The following OPCML variants were observed in gnomAD, a reference collection of about 807,000 sequenced individuals.
OPCML encodes opioid-binding protein/cell adhesion molecule.
In OPCML, 13 loss-of-function variants were observed where a neutral mutation model predicts 37.8. That is an observed-to-expected ratio of 0.34 (90% CI 0.22 to 0.55). The LOEUF (loss-of-function observed/expected upper bound fraction) is 0.55. Among genes scored for constraint, OPCML ranks in the 20% least tolerant of loss-of-function variants. The pLI is 0.91. For missense variants in OPCML, 341 were observed against 435.6 expected (o/e 0.78, Z 1.93); for synonymous variants, 176 against 168.8 (o/e 1.04, Z -0.33).
chr11:132,522,155 A>G (rs1386749983), intron 4 of OPCML, among the ~76,000 whole-genome samples: 2 of 152,224 alleles, frequency 1.3e-5, no homozygotes, highest in Non-Finnish European at 2.9e-5. Flanking sequence ...CAAATGTAAC[A>G]ATAGTTCATT....
intron 1 of OPCML, chr11:133,300,164 A>G (rs1329314699): frequency 2.0e-5 from 3 of 152,194 alleles, no homozygotes; most frequent in Non-Finnish European, 4.4e-5. Flanking sequence ...ATCAAAGGGG[A>G]AAAGAAATGA....
At chr11:132,460,092 A>G (rs2096096009) in intron 4 of OPCML, among the ~76,000 whole-genome samples, 1 of 152,208 alleles carries the variant, frequency 6.6e-6, no homozygotes, top group Admixed American at 6.5e-5. Flanking sequence ...AAAACATTGT[A>G]CTTTGTGCTT....
chr11:132,869,411 G>A (rs576379784), intron 2 of OPCML, among the ~76,000 whole-genome samples: 2 of 152,274 alleles, frequency 1.3e-5, no homozygotes, highest in South Asian at 4.1e-4. Flanking sequence ...ACAGAGCAAA[G>A]TGAGAGCAGT....
chr11:133,053,833 TC>T (rs1028243538), intron 1 of OPCML, among the ~76,000 whole-genome samples: 16 of 152,194 alleles, frequency 1.1e-4, no homozygotes, highest in Admixed American at 2.6e-4. Context: ...CTATTCCCAA[TC>T]CCTCTTCTCA....
At chr11:132,657,341 T>G (rs1941759475) in intron 2 of OPCML, 22 bp from the exon 3 acceptor site, 1 of 1,612,070 alleles carries the variant, frequency 6.2e-7, no homozygotes, top group African/African-American at 1.3e-5. Flanking sequence ...CAGGGAGTGG[T>G]GGAGGGAGGA....
intron 3 of OPCML, among the ~76,000 whole-genome samples, chr11:132,605,447 C>T (rs1468877892): frequency 2.0e-5 from 3 of 151,846 alleles, no homozygotes; most frequent in Non-Finnish European, 4.4e-5. Flanking sequence ...ACCTATAGTC[C>T]CAGCTACTCG....
intron 1 of OPCML, among the ~76,000 whole-genome samples, chr11:133,029,094 C>T (rs1174787433): frequency 6.6e-6 from 1 of 152,066 alleles, no homozygotes; most frequent in Non-Finnish European, 1.5e-5. Flanking sequence ...TATACATGCA[C>T]CAACAAGCAT....
At chr11:133,144,694 G>A (rs1188691173) in intron 1 of OPCML, among the ~76,000 whole-genome samples, 1 of 152,186 alleles carries the variant, frequency 6.6e-6, no homozygotes, top group South Asian at 2.1e-4. Context: ...TTATCTTTAT[G>A]TGTTTATATC....
At position 133,000,537 on chromosome 11, in the gene OPCML, T is replaced by C. The variant is rs1946978893; in HGVS notation, c.62-57527A>G. On this transcript the variant is annotated intron_variant, in intron 1 of 7. Transcript: ENST00000524381. The stretch of plus-strand genomic sequence containing the variant: ...TTAACAATGCCCCTCACAAGCTCTC[T>C]ACTGGAGGAAATCCTTAATGTATAA... Among the ~76,000 whole-genome samples, 5 of 152,236 alleles carry C rather than the reference T, an allele frequency of 3.3e-5. No homozygotes were observed. The South Asian group carries it at 1.0e-3, about 31-fold the overall frequency.
At chr11:132,793,874 T>C (rs571790843) in intron 2 of OPCML, among the ~76,000 whole-genome samples, 1 of 152,286 alleles carries the variant, frequency 6.6e-6, no homozygotes, top group East Asian at 1.9e-4. Context: ...CTCTACCTCC[T>C]GCAACCTATG....
At chr11:133,266,909 G>T (rs1319823964) in intron 1 of OPCML, among the ~76,000 whole-genome samples, 1 of 152,074 alleles carries the variant, frequency 6.6e-6, no homozygotes, top group African/African-American at 2.4e-5. Flanking sequence ...ATGTCCTCAG[G>T]GCAGGTGAGA....
chr11:132,717,422 C>A (rs76778802), intron 2 of OPCML, among the ~76,000 whole-genome samples: 4,402 of 152,034 alleles, frequency 0.029, 215 homozygotes, highest in African/African-American at 0.1. Context: ...CTGAAAATGT[C>A]CACAGAAGAA....
intron 2 of OPCML, among the ~76,000 whole-genome samples, chr11:132,853,939 C>T (rs1376508057): frequency 6.6e-6 from 1 of 152,144 alleles, no homozygotes; most frequent in Non-Finnish European, 1.5e-5. Flanking sequence ...CAATGGTGTC[C>T]TACCATTTAA....
intron 2 of OPCML, among the ~76,000 whole-genome samples, chr11:132,793,838 C>T (rs1039465538): frequency 1.1e-4 from 17 of 152,168 alleles, no homozygotes; most frequent in Non-Finnish European, 2.4e-4. Context: ...ACCTAAGTGT[C>T]CTGGCTTCAG....
At chr11:132,857,883 A>G (rs1201302608) in intron 2 of OPCML, among the ~76,000 whole-genome samples, 3 of 152,162 alleles carry the variant, frequency 2.0e-5, no homozygotes, top group South Asian at 2.1e-4. Flanking sequence ...TTAAGCATGT[A>G]AAAAGGCCCC....
intron 4 of OPCML, among the ~76,000 whole-genome samples, chr11:132,464,740 C>T (rs1440130093): frequency 2.6e-5 from 4 of 151,972 alleles, no homozygotes; most frequent in African/African-American, 9.7e-5. Context: ...AAACATATGA[C>T]TTGGGATCTG....
At chr11:133,449,824 G>A (rs984408841) in intron 1 of OPCML, among the ~76,000 whole-genome samples, 1 of 151,640 alleles carries the variant, frequency 6.6e-6, no homozygotes, top group African/African-American at 2.4e-5. Flanking sequence ...GAGGCTCCAG[G>A]TAAACATGCA....
At chr11:133,478,235 C>T (rs1947286780) in intron 1 of OPCML, among the ~76,000 whole-genome samples, 1 of 152,162 alleles carries the variant, frequency 6.6e-6, no homozygotes, top group South Asian at 2.1e-4. Flanking sequence ...TCTGTTGTGG[C>T]CTCCTGCCTG....
intron 1 of OPCML, among the ~76,000 whole-genome samples, chr11:133,163,783 T>C (rs749827597): frequency 1.3e-5 from 2 of 152,246 alleles, no homozygotes; most frequent in Non-Finnish European, 2.9e-5. Flanking sequence ...ATAATTATAC[T>C]GGACAGAGAA....
Sources: gnomAD v4.1 joint callset for allele counts (sites outside exome capture counted in the v4.1 genomes callset) on GRCh38, gnomAD v4.1.1 for gene constraint, MANE v1.5 for transcripts, NCBI Gene and HGNC (gene_info 2026-07-23, HGNC 2026-07-21) for gene names.